ADGRA3: variants seen among roughly 807,000 people sequenced by gnomAD.
The protein encoded by ADGRA3 is adhesion G protein-coupled receptor A3.
A neutral mutation model predicts 119.8 loss-of-function variants in ADGRA3; 56 were observed. The ratio of observed to expected loss-of-function variants is 0.47; its 90% confidence interval spans 0.38 to 0.58. ADGRA3 has a LOEUF of 0.58. Among genes scored for constraint, ADGRA3 ranks in the 20% least tolerant of loss-of-function variants. The pLI, the probability that ADGRA3 is intolerant of heterozygous loss-of-function variation, is 0.00. For missense variants in ADGRA3, 1,516 were observed against 1,649.0 expected (o/e 0.92, Z 1.40); for synonymous variants, 607 against 623.8 (o/e 0.97, Z 0.40).
At chr4:22,499,373 T>C (rs763074688) in intron 1 of ADGRA3, among the ~76,000 whole-genome samples, 1 of 152,160 alleles carries the variant, frequency 6.6e-6, no homozygotes, top group Non-Finnish European at 1.5e-5. Context: ...AGGCCAGAAA[T>C]GTTGTGATTT....
intron 7 of ADGRA3, among the ~76,000 whole-genome samples, chr4:22,440,844 G>A (rs4611916): frequency 0.66 from 100,006 of 152,004 alleles, 33,876 homozygotes; most frequent in Non-Finnish European, 0.74. Context: ...TGAAATTATC[G>A]CTACAGTAAA....
At chr4:22,390,586 C>T (rs1714097257) in intron 17 of ADGRA3, among the ~76,000 whole-genome samples, 1 of 151,848 alleles carries the variant, frequency 6.6e-6, no homozygotes, top group African/African-American at 2.4e-5. Flanking sequence ...GCTGTACCCA[C>T]TCACCACCAT....
chr4:22,399,168 G>A (rs909232762), intron 16 of ADGRA3, among the ~76,000 whole-genome samples: 12 of 152,108 alleles, frequency 7.9e-5, no homozygotes, highest in Non-Finnish European at 1.8e-4. Flanking sequence ...GCTCTTCTAC[G>A]ACATGCTCAT....
chr4:22,490,034 T>C (rs1718568385), intron 1 of ADGRA3, among the ~76,000 whole-genome samples: 1 of 152,238 alleles, frequency 6.6e-6, no homozygotes, highest in Admixed American at 6.5e-5. Context: ...GGCATTCTTA[T>C]CAAAGATCTG....
At chr4:22,504,351 C>A (rs897179115) in intron 1 of ADGRA3, among the ~76,000 whole-genome samples, 1 of 152,086 alleles carries the variant, frequency 6.6e-6, no homozygotes, top group South Asian at 2.1e-4. Context: ...ATGCCTGATA[C>A]CCAAGTTGGT....
At chr4:22,485,517 T>C (rs1310572434) in intron 1 of ADGRA3, among the ~76,000 whole-genome samples, 1 of 152,176 alleles carries the variant, frequency 6.6e-6, no homozygotes, top group Non-Finnish European at 1.5e-5. Flanking sequence ...TTTTCCCCAG[T>C]GGTTCCATGG....
intron 12 of ADGRA3, among the ~76,000 whole-genome samples, chr4:22,415,529 T>G (rs1469771363): frequency 6.6e-6 from 1 of 152,132 alleles, no homozygotes; most frequent in Admixed American, 6.6e-5. Flanking sequence ...TTCTCCTAAG[T>G]ACATAATGAC....
chr4:22,407,351 A>C (rs747286175), intron 14 of ADGRA3, among the ~76,000 whole-genome samples: 3 of 152,194 alleles, frequency 2.0e-5, no homozygotes, highest in Non-Finnish European at 4.4e-5. Context: ...AAAGCTCTAC[A>C]ATGAGAGAGA....
chr4:22,439,008 C>CA (rs1716508050), intron 7 of ADGRA3, among the ~76,000 whole-genome samples: 1 of 151,634 alleles, frequency 6.6e-6, no homozygotes, highest in South Asian at 2.1e-4. Context: ...TTCATACACA[C>CA]AAAAAAAGAA....
intron 7 of ADGRA3, among the ~76,000 whole-genome samples, chr4:22,441,122 C>T (rs2109070389): frequency 6.6e-6 from 1 of 152,044 alleles, no homozygotes; most frequent in African/African-American, 2.4e-5. Context: ...GGCTTTTGCC[C>T]AAGGGTAGGC....
chr4:22,481,651 A>C (rs1446303809), intron 1 of ADGRA3, among the ~76,000 whole-genome samples: 2 of 152,188 alleles, frequency 1.3e-5, no homozygotes, highest in Non-Finnish European at 2.9e-5. Flanking sequence ...TGTACAAAGG[A>C]TTTCCTCTTT....
At chr4:22,438,916 G>T (rs1716504746) in intron 7 of ADGRA3, among the ~76,000 whole-genome samples, 1 of 152,114 alleles carries the variant, frequency 6.6e-6, no homozygotes, top group Non-Finnish European at 1.5e-5. Flanking sequence ...CTGGAGGATG[G>T]CTTGAACCCA....
At position 22,389,135 on chromosome 4, in the gene ADGRA3, AGTTATGCC is replaced by A; in HGVS notation, c.2668_2675del (p.Gly890CysfsTer6). The A allele has an allele frequency of 6.2e-7, 1 of 1,614,082 alleles. No individual in the cohort carries two copies. The highest frequency in any genetic ancestry group is 1.1e-5 in the South Asian group (1 of 91,080). On this transcript the variant is annotated frameshift_variant, in exon 18 of 19. Coordinates refer to ENST00000334304, the MANE Select transcript of ADGRA3 (RefSeq NM_145290.4). LOFTEE classifies it high-confidence loss of function. ...CGTAATTCTTAATGTTCGCTGCTGC[AGTTATGCC>A]GCAAACAATGATGGGGATACCACCA...
chr4:22,515,922 G>A lies in ADGRA3; in HGVS notation c.-138C>T. The A allele has an allele frequency of 2.3e-6, 1 of 425,540 alleles. No individual in the cohort carries two copies. Among genetic ancestry groups the A allele is most frequent in the Non-Finnish European group, 3.1e-6 (1 of 318,772 alleles). The allele number at this position is 425,540 out of a possible 1,614,324, so 26.4% of individuals were successfully genotyped here. A position where few individuals can be genotyped will look rare whatever the true frequency, so the allele number is the denominator to read the frequency against. Reference sequence around the variant, plus strand: ...GCGGCCGGAGGACGGGCCTTCCCCGGCGCGGACATGCTCCTTTGTCCGCTG... The same window carrying A: ...GCGGCCGGAGGACGGGCCTTCCCCGACGCGGACATGCTCCTTTGTCCGCTG... On this transcript the variant is annotated 5_prime_UTR_variant, in exon 1 of 19. Coordinates refer to ENST00000334304, the MANE Select transcript of ADGRA3 (RefSeq NM_145290.4).
intron 10 of ADGRA3, 138 bp downstream of exon 10, chr4:22,435,173 T>C: frequency 1.4e-6 from 1 of 733,876 alleles, no homozygotes. Flanking sequence ...AGTATCTCAA[T>C]AAAATTCTGG....
intron 1 of ADGRA3, among the ~76,000 whole-genome samples, chr4:22,475,086 C>G (rs570014692): frequency 6.6e-6 from 1 of 152,120 alleles, no homozygotes; most frequent in Non-Finnish European, 1.5e-5. Context: ...ATATCAGAGC[C>G]TTTTCTTTTA....
chr4:22,387,989 T>C lies in ADGRA3; in HGVS notation c.3682A>G (p.Arg1228Gly). 6.2e-7 allele frequency: 1 copy of C among 1,614,198 alleles called. No individual in the cohort carries two copies. Among genetic ancestry groups the C allele is most frequent in the Non-Finnish European group, 8.5e-7 (1 of 1,180,010 alleles). ...TGGGGTGGGTTGTACTGTCTCTCTC[T>C]GTAGGCTAAATAAGCTCTTCGGCTC... The part of the protein sequence containing the change: ...SRSRRAYLAY[R>G]ERQYNPPQQD... The change falls in exon 19 of 19, where the codon AGA becomes GGA. Residue 1228 changes from arginine (R) to glycine (G), a missense_variant. Arg to Gly is a moderately radical substitution (Grantham distance 125). Around this residue, in one of 2 missense-constraint regions of ADGRA3, gnomAD observed 1,088 missense variants for 1,107.1 expected, o/e 0.98. Transcript: ENST00000334304.
intron 10 of ADGRA3, among the ~76,000 whole-genome samples, chr4:22,430,511 A>C (rs1422416679): frequency 6.6e-6 from 1 of 152,162 alleles, no homozygotes; most frequent in African/African-American, 2.4e-5. Context: ...TTTGAACTTG[A>C]GAGAGATGAT....
intron 8 of ADGRA3, 58 bp downstream of exon 8, chr4:22,438,198 G>C: frequency 6.9e-7 from 1 of 1,458,318 alleles, no homozygotes; most frequent in Non-Finnish European, 9.5e-7. Context: ...ATGTGTCTTA[G>C]ACAACAGAAG....
Sources: gnomAD v4.1 joint callset for allele counts (sites outside exome capture counted in the v4.1 genomes callset) on GRCh38, gnomAD v4.1.1 for gene constraint, gnomAD v4.1.1 regional missense constraint, MANE v1.5 for transcripts, NCBI Gene and HGNC (gene_info 2026-07-23, HGNC 2026-07-21) for gene names.